The following NYAP2 variants were observed in gnomAD, a reference collection of about 807,000 sequenced individuals.
NYAP2 encodes the protein neuronal tyrosine-phosphorylated phosphoinositide-3-kinase adaptor 2.
Under a neutral mutation model 50.4 loss-of-function variants are expected in NYAP2, and 23 were observed. The ratio of observed to expected loss-of-function variants is 0.46; its 90% confidence interval spans 0.33 to 0.65. The LOEUF (loss-of-function observed/expected upper bound fraction) is 0.65, where lower values mean the gene tolerates loss of function less well. Among genes scored for constraint, NYAP2 ranks in the 30% least tolerant of loss-of-function variants. The pLI is 0.02. For synonymous variants in NYAP2, 394 were observed against 365.2 expected, an observed-to-expected ratio of 1.08 and a Z score of -0.90; for missense variants, 885 against 861.0, an observed-to-expected ratio of 1.03 and a Z score of -0.35.
intron 4 of NYAP2, among the ~76,000 whole-genome samples, chr2:225,523,954 G>T (rs1191307333): frequency 6.6e-6 from 1 of 152,152 alleles, no homozygotes; most frequent in African/African-American, 2.4e-5. Flanking sequence ...TGTACACTGA[G>T]GATAGAACAC....
intron 4 of NYAP2, among the ~76,000 whole-genome samples, chr2:225,517,613 C>A (rs548239876): frequency 1.3e-5 from 2 of 152,204 alleles, no homozygotes; most frequent in Non-Finnish European, 2.9e-5. Flanking sequence ...TTATGACAAC[C>A]TGGTGAACTA....
intron 4 of NYAP2, 143 bp from the exon 5 acceptor site, chr2:225,581,798 G>C (rs949946591): frequency 2.6e-6 from 2 of 772,146 alleles, no homozygotes; most frequent in African/African-American, 3.5e-5. Context: ...CTCTTTGGTT[G>C]ATTTTTACTC....
intron 3 of NYAP2, among the ~76,000 whole-genome samples, chr2:225,500,052 A>T (rs1158624632): frequency 6.6e-6 from 1 of 152,236 alleles, no homozygotes; most frequent in African/African-American, 2.4e-5. Flanking sequence ...AATTGTTAAG[A>T]GATATTGAGT....
chr2:225,487,721 T>A (rs1007946244), intron 3 of NYAP2, among the ~76,000 whole-genome samples: 2 of 152,226 alleles, frequency 1.3e-5, no homozygotes, highest in Non-Finnish European at 2.9e-5. Flanking sequence ...ACCAGCTTTA[T>A]CCATACAACA....
intron 5 of NYAP2, among the ~76,000 whole-genome samples, chr2:225,597,991 T>C (rs1472040892): frequency 1.3e-5 from 2 of 152,180 alleles, no homozygotes; most frequent in Non-Finnish European, 2.9e-5. Context: ...ATCTGACATC[T>C]TAAGTGAATC....
chr2:225,613,790 G>T (rs7560211), intron 5 of NYAP2, among the ~76,000 whole-genome samples: 94,487 of 151,850 alleles, frequency 0.62, 30,072 homozygotes, highest in South Asian at 0.8. Flanking sequence ...ATAGCTCACT[G>T]TCTTCATTTA....
At chr2:225,669,657 A>G in the NYAP2 span, among the ~76,000 whole-genome samples, 1 of 152,116 alleles carries the variant, frequency 6.6e-6, no homozygotes, top group Non-Finnish European at 1.5e-5. Context: ...TAATTTGAAA[A>G]CCACTGGGAA....
chr2:225,582,062 T>G lies in NYAP2; in HGVS notation c.645T>G (p.His215Gln), dbSNP rs1692281001. ...TCGATGAAACGTACATCAAAAAGCA[T>G]GGGCCCCGGAGGACGTCGCTGCCGC... The change falls in exon 5 of 7, where the codon CAT (histidine) becomes CAG (glutamine). Residue 215 changes from histidine to glutamine, a missense_variant. Coordinates refer to ENST00000636099, the Ensembl canonical transcript of NYAP2. The surrounding 1 kb of genome is among the most constrained non-coding windows in gnomAD (Gnocchi z 7.0). The G allele has an allele frequency of 6.2e-7, 1 of 1,614,020 alleles. No homozygotes were observed. The highest frequency in any genetic ancestry group is 1.7e-5 in the Admixed American group (1 of 60,030).
In NYAP2 at chr2:225,647,492, G is replaced by A. The variant is rs902623085; in HGVS notation, c.1829-3940G>A. Among the ~76,000 whole-genome samples the A allele has an allele frequency of 2.6e-5, 4 of 152,106 alleles. No homozygotes were observed. In the South Asian group the frequency reaches 6.2e-4, roughly 24 times the overall value. ...AATCAAGGGAGAATTTTCAAATGCC[G>A]TGCCTTCTCTGTAGGACCCCAGAGG... On this transcript the variant is annotated intron_variant, in intron 6 of 6. Coordinates refer to ENST00000636099, the Ensembl canonical transcript of NYAP2.
At chr2:225,571,068 C>T (rs1016207306) in intron 4 of NYAP2, among the ~76,000 whole-genome samples, 3 of 152,266 alleles carry the variant, frequency 2.0e-5, no homozygotes, top group African/African-American at 7.2e-5. Flanking sequence ...TCTCCTTTGA[C>T]CCCTTGTCTC....
chr2:225,582,209 C>A lies in NYAP2; in HGVS notation c.792C>A (p.Ser264Arg). 6.2e-7 allele frequency: 1 copy of A among 1,613,994 alleles called. No homozygotes were observed. Among genetic ancestry groups the A allele is most frequent in the Non-Finnish European group, 8.5e-7 (1 of 1,179,900 alleles). The change falls in exon 5 of 7, where the codon AGC becomes AGA. Residue 264 changes from serine (S) to arginine (R), a missense_variant. Ser to Arg is a moderately radical substitution (Grantham distance 110, BLOSUM62 -1). Transcript: ENST00000636099. The surrounding 1 kb of genome is among the most constrained non-coding windows in gnomAD (Gnocchi z 7.0). ...TCAGGAAGGAGGACGATGACCAGAG[C>A]GAGGCCGTCTACGAGGAAATGAAGT...
chr2:225,553,123 A>C (rs542938450), intron 4 of NYAP2, among the ~76,000 whole-genome samples: 1 of 152,362 alleles, frequency 6.6e-6, no homozygotes, highest in South Asian at 2.1e-4. Flanking sequence ...CCTAACAGCA[A>C]GGCTTGTGGA....
intron 3 of NYAP2, among the ~76,000 whole-genome samples, chr2:225,443,643 A>G (rs1014930181): frequency 1.3e-5 from 2 of 152,210 alleles, no homozygotes; most frequent in Admixed American, 6.5e-5. Context: ...TCATACATCT[A>G]AATTAAAAAT....
In NYAP2 at chr2:225,648,573, C is replaced by T. The variant is rs1693675937; in HGVS notation, c.1829-2859C>T. On this transcript the variant is annotated intron_variant, in intron 6 of 6. Transcript: ENST00000636099. Reference sequence around the variant, plus strand: ...GAGCCATTGCAAGGGGGAAAAAAAGCAAATTCCAACAGGACTAAATTTATA... The same window carrying T: ...GAGCCATTGCAAGGGGGAAAAAAAGTAAATTCCAACAGGACTAAATTTATA... 2.0e-5 allele frequency among the ~76,000 whole-genome samples: 3 copies of T among 151,960 alleles called. No individual in the cohort carries two copies. In the South Asian group the frequency reaches 6.2e-4, roughly 32 times the overall value.
intron 2 of NYAP2, among the ~76,000 whole-genome samples, chr2:225,405,158 A>G (rs935304554): frequency 6.6e-6 from 1 of 152,028 alleles, no homozygotes; most frequent in Non-Finnish European, 1.5e-5. Context: ...AACTCAATTA[A>G]AGGGATGAAC....
chr2:225,516,199 G>C lies in NYAP2; in HGVS notation c.523+2527G>C, dbSNP rs372422934. Reference sequence around the variant, plus strand: ...TGGGATGTTTCATCGCTAGTTCCTGGGGCAGAGAGTATCATAATTCTCTCT... The same window carrying C: ...TGGGATGTTTCATCGCTAGTTCCTGCGGCAGAGAGTATCATAATTCTCTCT... On this transcript the variant is annotated intron_variant, in intron 4 of 6. Transcript: ENST00000636099. Among the ~76,000 whole-genome samples, 24 of 152,174 alleles carry C rather than the reference G, an allele frequency of 1.6e-4. No homozygotes were observed. In the East Asian group the frequency reaches 2.9e-3, roughly 18 times the overall value.
exon 7 of NYAP2, chr2:225,651,939 G>A (rs2106272843): frequency 5.8e-6 from 1 of 172,188 alleles, no homozygotes; most frequent in African/African-American, 2.4e-5. Context: ...TATCTACTTT[G>A]TTTTATGTAG....
chr2:225,470,805 A>G (rs888768690), intron 3 of NYAP2, among the ~76,000 whole-genome samples: 13 of 140,930 alleles, frequency 9.2e-5, no homozygotes, highest in African/African-American at 4.0e-4. Context: ...ATATATATGT[A>G]TGTATATGTG....
At chr2:225,685,873 T>G in the NYAP2 span, among the ~76,000 whole-genome samples, 2 of 152,214 alleles carry the variant, frequency 1.3e-5, no homozygotes, top group East Asian at 1.9e-4. Flanking sequence ...ATTTTAGATA[T>G]TCTTCACAAC....
Sources: allele counts gnomAD v4.1 joint callset (sites outside exome capture counted in the v4.1 genomes callset), GRCh38; gene constraint gnomAD v4.1.1; non-coding constraint Gnocchi (gnomAD v3.1); transcripts MANE v1.5; gene names NCBI Gene and HGNC (gene_info 2026-07-23, HGNC 2026-07-21).